SPECC1: variants seen among roughly 807,000 people sequenced by gnomAD.
SPECC1 encodes sperm antigen with calponin homology and coiled-coil domains 1.
A neutral mutation model predicts 104.1 loss-of-function variants in SPECC1; 62 were observed. The ratio of observed to expected loss-of-function variants is 0.60; its 90% CI spans 0.49 to 0.74. The LOEUF (loss-of-function observed/expected upper bound fraction) is 0.74. Ranked by LOEUF, SPECC1 falls within the 30% of genes least tolerant of loss-of-function variation. SPECC1 has a pLI of 0.00. For synonymous variants in SPECC1, 513 were observed against 501.6 expected, an observed-to-expected ratio of 1.02 and a Z score of -0.30; for missense variants, 1,306 against 1,310.5, an observed-to-expected ratio of 1.00 and a Z score of 0.05.
rs2151695953 is a variant in SPECC1, at chr17:20,287,560, T to G, written c.2941-9401T>G. Among the ~76,000 whole-genome samples, 3 of 152,132 alleles carry G rather than the reference T, an allele frequency of 2.0e-5. 1 individual carries two copies. In the South Asian group the frequency reaches 6.2e-4, roughly 32 times the overall value. ...ATGTGGAAAGTGTGAATGATACCAG[T>G]TGTGCCACATTGATACTGACCCCCT... On this transcript the variant is annotated intron_variant, in intron 12 of 14. Transcript: ENST00000395527.
chr17:20,227,910 GA>G (rs2038326642), intron 5 of SPECC1, among the ~76,000 whole-genome samples: 2 of 152,076 alleles, frequency 1.3e-5, no homozygotes, highest in Non-Finnish European at 2.9e-5. Flanking sequence ...AAGCCCAGGA[GA>G]AATGTGGAAT....
chr17:20,158,813 C>T (rs1191276311), intron 3 of SPECC1, among the ~76,000 whole-genome samples: 2 of 152,174 alleles, frequency 1.3e-5, no homozygotes, highest in Non-Finnish European at 2.9e-5. Flanking sequence ...GGGTGGAGTG[C>T]AGTGCTGTGA....
chr17:20,158,914 C>A (rs900564951), intron 3 of SPECC1, among the ~76,000 whole-genome samples: 2 of 150,888 alleles, frequency 1.3e-5, no homozygotes, highest in East Asian at 2.0e-4. Flanking sequence ...CCGGCTGTTT[C>A]GTTTTTGTTT....
intron 3 of SPECC1, among the ~76,000 whole-genome samples, chr17:20,177,321 G>A (rs2034539534): frequency 6.6e-6 from 1 of 152,176 alleles, no homozygotes; most frequent in African/African-American, 2.4e-5. Flanking sequence ...TGTAAAGAGA[G>A]GGGAGCCAGT....
rs1052873508 is a variant in SPECC1 at position 20,220,577 on chromosome 17, T to G, written c.1864-6836T>G. 3.3e-3 allele frequency among the ~76,000 whole-genome samples: 338 copies of G among 101,258 alleles called. 4 individuals are homozygous for G. The highest frequency in any genetic ancestry group is 0.018 in the South Asian group (54 of 2,972). 66.4% of individuals were successfully genotyped at this position (101,258 alleles called of 152,430 possible). A position where few individuals can be genotyped will look rare whatever the true frequency, so the allele number is the denominator to read the frequency against. On this transcript the variant is annotated intron_variant, in intron 4 of 14. Transcript: ENST00000395527. ...TTAATAGTTTTTTTTTTTTTTTTTT[T>G]TGTGGAGGCTAGTTTTTTCCAGATA...
intron 1 of SPECC1, chr17:20,056,552 C>T: frequency 4.7e-6 from 1 of 214,994 alleles, no homozygotes; most frequent in Non-Finnish European, 1.0e-5. Flanking sequence ...TACAGGAGAC[C>T]CTGGGAGAGT....
At chr17:20,106,820 A>G (rs1056128585) in intron 2 of SPECC1, among the ~76,000 whole-genome samples, 2 of 152,174 alleles carry the variant, frequency 1.3e-5, no homozygotes, top group South Asian at 4.1e-4. Context: ...ACAGACTAAT[A>G]CAGTCCAGTT....
At chr17:20,044,662 G>A (rs535549495) in intron 1 of SPECC1, among the ~76,000 whole-genome samples, 6 of 152,256 alleles carry the variant, frequency 3.9e-5, no homozygotes, top group African/African-American at 1.4e-4. Context: ...CAGGTCCTAG[G>A]GTTTGTTTTT....
chr17:20,029,208 T>C (rs1298040080), intron 1 of SPECC1, among the ~76,000 whole-genome samples: 1 of 152,250 alleles, frequency 6.6e-6, no homozygotes, highest in Admixed American at 6.5e-5. Flanking sequence ...TTGTAGCTTC[T>C]AGAGTATAAG....
intron 7 of SPECC1, among the ~76,000 whole-genome samples, chr17:20,232,757 A>G (rs1327292532): frequency 6.6e-6 from 1 of 152,196 alleles, no homozygotes; most frequent in Non-Finnish European, 1.5e-5. Context: ...ACCACCTTGT[A>G]CAGGTCACTC....
intron 12 of SPECC1, among the ~76,000 whole-genome samples, chr17:20,285,253 A>G (rs1030794258): frequency 8.5e-5 from 13 of 152,228 alleles, no homozygotes; most frequent in African/African-American, 3.1e-4. Context: ...TGCTGTCTCT[A>G]CATTCCCCCG....
At chr17:20,259,359 T>G (rs1449715799) in intron 11 of SPECC1, among the ~76,000 whole-genome samples, 2 of 152,228 alleles carry the variant, frequency 1.3e-5, no homozygotes, top group African/African-American at 4.8e-5. Context: ...TATATGTATA[T>G]GAATATGCTA....
chr17:20,177,156 T>C (rs1004709025), intron 3 of SPECC1, among the ~76,000 whole-genome samples: 3 of 152,192 alleles, frequency 2.0e-5, no homozygotes, highest in African/African-American at 2.4e-5. Context: ...CAACACTTGC[T>C]AAGAAATAGA....
chr17:20,233,402 T>G (rs1256065171), intron 7 of SPECC1, among the ~76,000 whole-genome samples: 2 of 152,250 alleles, frequency 1.3e-5, no homozygotes, highest in Non-Finnish European at 2.9e-5. Flanking sequence ...GATTCTCCTG[T>G]CAATTCTGCT....
intron 9 of SPECC1, among the ~76,000 whole-genome samples, chr17:20,250,165 A>C (rs991126044): frequency 2.0e-5 from 3 of 152,194 alleles, no homozygotes; most frequent in South Asian, 2.1e-4. Context: ...TGCTGAAAGA[A>C]AACACCTGCT....
At chr17:20,234,670 A>G (rs910070801) in intron 7 of SPECC1, among the ~76,000 whole-genome samples, 6 of 152,218 alleles carry the variant, frequency 3.9e-5, no homozygotes, top group Non-Finnish European at 8.8e-5. Flanking sequence ...CGAGGTCCTC[A>G]AGGACAACTG....
intron 3 of SPECC1, among the ~76,000 whole-genome samples, chr17:20,192,990 G>C (rs2035771199): frequency 6.6e-6 from 1 of 152,144 alleles, no homozygotes; most frequent in Non-Finnish European, 1.5e-5. Flanking sequence ...GAAAGTAAAG[G>C]AATAAAAGAA....
At chr17:20,044,741 A>G (rs1236306689) in intron 1 of SPECC1, among the ~76,000 whole-genome samples, 2 of 152,188 alleles carry the variant, frequency 1.3e-5, no homozygotes, top group African/African-American at 4.8e-5. Context: ...GGCTGAGTCT[A>G]GCTTTGAGAC....
chr17:20,125,203 CA>C (rs369757103), intron 3 of SPECC1, among the ~76,000 whole-genome samples: 5 of 64,490 alleles, frequency 7.8e-5, no homozygotes, highest in Admixed American at 1.6e-4. Flanking sequence ...AAAAACAAAA[CA>C]AAACAAAAAA....
Sources: gnomAD v4.1 joint callset for allele counts (sites outside exome capture counted in the v4.1 genomes callset) on GRCh38, gnomAD v4.1.1 for gene constraint, MANE v1.5 for transcripts, NCBI Gene and HGNC (gene_info 2026-07-23, HGNC 2026-07-21) for gene names.